The following WDFY4 variants were observed in gnomAD, a reference collection of about 807,000 sequenced individuals.
The protein encoded by WDFY4 is WD repeat- and FYVE domain-containing protein 4.
In WDFY4, 169 loss-of-function variants were observed where a neutral mutation model predicts 351.9. The ratio of observed to expected loss-of-function variants is 0.48; its 90% confidence interval spans 0.42 to 0.55. WDFY4 has a LOEUF of 0.55. WDFY4 is among the 20% of genes least tolerant of loss of function. WDFY4 has a pLI of 0.00. For missense variants in WDFY4, 3,803 were observed against 3,935.6 expected (o/e 0.97, Z 0.90); for synonymous variants, 1,622 against 1,574.6 (o/e 1.03, Z -0.71).
At chr10:48,901,049 A>G (rs1010944810) in intron 46 of WDFY4, among the ~76,000 whole-genome samples, 5 of 152,186 alleles carry the variant, frequency 3.3e-5, no homozygotes, top group Non-Finnish European at 5.9e-5. Flanking sequence ...TTTTGTGCTC[A>G]GAAATTCAAG....
intron 47 of WDFY4, among the ~76,000 whole-genome samples, chr10:48,939,192 G>T (rs1840604352): frequency 6.6e-6 from 1 of 151,350 alleles, no homozygotes; most frequent in East Asian, 1.9e-4. Context: ...ACCAGAAGCA[G>T]GCCCCACTCT....
intron 60 of WDFY4, chr10:48,979,069 T>G (rs1842697807): frequency 6.6e-6 from 1 of 152,344 alleles, no homozygotes; most frequent in Non-Finnish European, 1.5e-5. Context: ...CAGCCTCTAC[T>G]GTGTCCTAGG....
Position 48,867,344 on chromosome 10 carries a change from T to G in WDFY4, c.6741+2T>G. 6.7e-7 allele frequency: 1 copy of G among 1,484,252 alleles called. No individual in the cohort carries two copies. The highest frequency in any genetic ancestry group is 9.0e-7 in the Non-Finnish European group (1 of 1,112,444). 91.9% of individuals were successfully genotyped at this position (1,484,252 alleles called of 1,614,324 possible). On this transcript the variant is annotated splice_donor_variant, in intron 40 of 61. Coordinates refer to ENST00000325239, the MANE Select transcript of WDFY4 (RefSeq NM_001394531.1). LOFTEE classifies it high-confidence loss of function. ...TCTTTATACAAAGACCATGTGCAAGTAAGAAACAAAACATAGGCTTTCTCT... is the reference window on the plus strand; with the variant it reads ...TCTTTATACAAAGACCATGTGCAAGGAAGAAACAAAACATAGGCTTTCTCT...
Position 48,821,186 on chromosome 10 carries a change from G to A in WDFY4, c.5824+10G>A. ...GCAGCGATGTTCAGAGGTGAGTGGG[G>A]CAACTCGGTCCCCTCCATTCATGAC... On this transcript the variant is annotated intron_variant, in intron 34 of 61. Transcript: ENST00000325239. 1 of 1,543,174 alleles carries A rather than the reference G, an allele frequency of 6.5e-7. No individual in the cohort carries two copies. Among genetic ancestry groups the A allele is most frequent in the South Asian group, 1.2e-5 (1 of 83,906 alleles).
In WDFY4 at chr10:48,735,871, G is replaced by T. The variant is rs927108419; in HGVS notation, c.1688-9G>T. ...TGCCCTAGCCCCATTCTGTCTGTCT[G>T]ATCCTTAGTTGTCCTGAAGGACCAC... On this transcript the variant is annotated splice_polypyrimidine_tract_variant and intron_variant, in intron 10 of 61. Transcript: ENST00000325239. 3.9e-5 allele frequency: 61 copies of T among 1,550,692 alleles called. No individual in the cohort carries two copies. Among genetic ancestry groups the T allele is most frequent in the Non-Finnish European group, 5.2e-5 (60 of 1,146,452 alleles).
intron 1 of WDFY4, among the ~76,000 whole-genome samples, chr10:48,706,134 C>CGA (rs138147604): frequency 5.3e-5 from 8 of 151,770 alleles, no homozygotes; most frequent in African/African-American, 1.7e-4. Context: ...GGGGTCTAGG[C>CGA]GAGAGAGAGA....
chr10:48,852,424 G>A (rs190775274), intron 39 of WDFY4, among the ~76,000 whole-genome samples: 128 of 152,318 alleles, frequency 8.4e-4, no homozygotes, highest in Admixed American at 6.4e-3. Context: ...CAGTCATAAA[G>A]TGCCCTGTGC....
intron 30 of WDFY4, 96 bp from the exon 31 acceptor site, chr10:48,813,861 A>T: frequency 7.4e-7 from 1 of 1,356,544 alleles, no homozygotes; most frequent in Non-Finnish European, 9.5e-7. Flanking sequence ...TGCTTTTCCC[A>T]CTGGGAACCC....
intron 12 of WDFY4, among the ~76,000 whole-genome samples, chr10:48,759,090 C>A (rs1413851593): frequency 3.9e-5 from 6 of 152,054 alleles, no homozygotes; most frequent in African/African-American, 1.2e-4. Context: ...GTTCAGGTTG[C>A]AAGTTTCTGC....
At chr10:48,858,738 A>G (rs2069232313) in intron 39 of WDFY4, among the ~76,000 whole-genome samples, 1 of 152,236 alleles carries the variant, frequency 6.6e-6, no homozygotes, top group Non-Finnish European at 1.5e-5. Context: ...GTATCTAGAA[A>G]AAGCCTTGCT....
intron 5 of WDFY4, among the ~76,000 whole-genome samples, chr10:48,724,316 G>C (rs879314497): frequency 6.6e-6 from 1 of 152,100 alleles, no homozygotes; most frequent in Non-Finnish European, 1.5e-5. Flanking sequence ...AAATGCAGCT[G>C]TCCATGGTAC....
At chr10:48,920,063 C>A (rs1391596527) in intron 47 of WDFY4, among the ~76,000 whole-genome samples, 1 of 151,746 alleles carries the variant, frequency 6.6e-6, no homozygotes, top group Non-Finnish European at 1.5e-5. Context: ...AATGACAGCC[C>A]AAACTTACTC....
intron 47 of WDFY4, among the ~76,000 whole-genome samples, chr10:48,938,827 C>A (rs1443404094): frequency 6.6e-6 from 1 of 152,226 alleles, no homozygotes; most frequent in Admixed American, 6.5e-5. Context: ...CAGAGATAAT[C>A]TTTCCATCTT....
chr10:48,716,229 G>A (rs1384280228), intron 2 of WDFY4, among the ~76,000 whole-genome samples: 1 of 152,110 alleles, frequency 6.6e-6, no homozygotes, highest in African/African-American at 2.4e-5. Flanking sequence ...CAGTAATGGA[G>A]TAATAATGAC....
rs575161997 is a variant in WDFY4, at chr10:48,977,456, T to G, written c.9291+477T>G. On this transcript the variant is annotated intron_variant, in intron 59 of 61. Coordinates refer to ENST00000325239, the MANE Select transcript of WDFY4 (RefSeq NM_001394531.1). ...ATCCATCCATCCATCCATCCATCCA[T>G]CCATCCATCCATGTATCCCTCCATG... Among the ~76,000 whole-genome samples the G allele has an allele frequency of 2.5e-3, 379 of 151,836 alleles. 1 individual carries two copies. Among genetic ancestry groups the G allele is most frequent in the African/African-American group, 8.7e-3 (362 of 41,444 alleles).
chr10:48,845,211 G>T (rs1297926896), intron 39 of WDFY4, among the ~76,000 whole-genome samples: 1 of 152,202 alleles, frequency 6.6e-6, no homozygotes, highest in Non-Finnish European at 1.5e-5. Context: ...AGGGAATTGG[G>T]AAAGTTGTCT....
At chr10:48,898,410 T>C (rs1837196668) in intron 45 of WDFY4, among the ~76,000 whole-genome samples, 1 of 152,114 alleles carries the variant, frequency 6.6e-6, no homozygotes, top group South Asian at 2.1e-4. Flanking sequence ...AGGGACCACG[T>C]AACAGGAGGG....
chr10:48,913,741 TGGTGGGCACGCTGTCCA>T, intron 47 of WDFY4: 1 of 1,613,476 alleles, frequency 6.2e-7, no homozygotes, highest in Non-Finnish European at 8.5e-7. Context: ...GCCCCCAGTG[TGGTGGGCACGCTGTCCA>T]GGTGGTTCAA....
chr10:48,722,469 A>C (rs1032881029), intron 4 of WDFY4, among the ~76,000 whole-genome samples: 1 of 152,178 alleles, frequency 6.6e-6, no homozygotes, highest in Non-Finnish European at 1.5e-5. Context: ...AGTACATTGC[A>C]CTGTAAACCT....
Sources: allele counts gnomAD v4.1 joint callset (sites outside exome capture counted in the v4.1 genomes callset), GRCh38; gene constraint gnomAD v4.1.1; transcripts MANE v1.5; gene names NCBI Gene and HGNC (gene_info 2026-07-23, HGNC 2026-07-21).